The following CBLN2 variants were observed in gnomAD, a reference collection of about 807,000 sequenced individuals.
CBLN2 encodes cerebellin 2 precursor, also known as cerebellin-2.
In CBLN2, 7 loss-of-function variants were observed where a neutral mutation model predicts 15.0. The ratio of observed to expected loss-of-function variants is 0.47; its 90% CI spans 0.27 to 0.88. CBLN2 has a LOEUF of 0.88. Among genes scored for constraint, CBLN2 ranks in the 40% least tolerant of loss-of-function variants. CBLN2 has a pLI of 0.14. For missense variants in CBLN2, 242 were observed against 304.5 expected (o/e 0.79, Z 1.53); for synonymous variants, 149 against 135.2 (o/e 1.10, Z -0.71).
chr18:72,557,887 C>T (rs1254522655), intron 1 of CBLN2, among the ~76,000 whole-genome samples: 2 of 152,116 alleles, frequency 1.3e-5, no homozygotes, highest in Non-Finnish European at 2.9e-5. Context: ...ACCTGCACAT[C>T]CTGCACATGT....
intron 1 of CBLN2, among the ~76,000 whole-genome samples, chr18:72,581,659 T>C (rs910925675): frequency 6.6e-6 from 1 of 152,226 alleles, no homozygotes; most frequent in African/African-American, 2.4e-5. Flanking sequence ...TGATTACATG[T>C]GTTGCGAATA....
intron 1 of CBLN2, among the ~76,000 whole-genome samples, chr18:72,564,272 G>T (rs1208188502): frequency 6.6e-6 from 1 of 152,106 alleles, no homozygotes; most frequent in Non-Finnish European, 1.5e-5. Context: ...TCAGTGAGAT[G>T]CAAGAGAATG....
chr18:72,540,975 A>C (rs1246516533), intron 3 of CBLN2, among the ~76,000 whole-genome samples: 2 of 152,238 alleles, frequency 1.3e-5, no homozygotes, highest in African/African-American at 2.4e-5. Flanking sequence ...GAAAAACAAC[A>C]GAAACCAGGC....
intron 1 of CBLN2, among the ~76,000 whole-genome samples, chr18:72,555,884 G>A (rs1018486050): frequency 6.6e-6 from 1 of 152,106 alleles, no homozygotes; most frequent in African/African-American, 2.4e-5. Context: ...TGCACTGTGG[G>A]GTATCCTGTT....
At chr18:72,573,112 T>A (rs1056861781) in intron 1 of CBLN2, among the ~76,000 whole-genome samples, 2 of 152,134 alleles carry the variant, frequency 1.3e-5, no homozygotes, top group Non-Finnish European at 2.9e-5. Flanking sequence ...AGGAAAGATA[T>A]CAACATTGTA....
chr18:72,583,217 T>C (rs533845972), intron 1 of CBLN2, among the ~76,000 whole-genome samples: 1 of 152,096 alleles, frequency 6.6e-6, no homozygotes, highest in Non-Finnish European at 1.5e-5. Context: ...AAATTTCCAA[T>C]CCTTTTTGTA....
intron 1 of CBLN2, among the ~76,000 whole-genome samples, chr18:72,557,593 C>G (rs1362962409): frequency 3.9e-5 from 6 of 152,156 alleles, no homozygotes; most frequent in African/African-American, 1.2e-4. Flanking sequence ...TATGAGATCA[C>G]GTCCTTTGAA....
At chr18:72,604,040 C>T (rs191140217) in intron 1 of CBLN2, among the ~76,000 whole-genome samples, 3 of 152,330 alleles carry the variant, frequency 2.0e-5, no homozygotes, top group East Asian at 3.9e-4. Flanking sequence ...GCACCGATTA[C>T]ATCGGCATCC....
intron 1 of CBLN2, among the ~76,000 whole-genome samples, chr18:72,553,271 TACA>T (rs1296389958): frequency 1.3e-5 from 2 of 152,086 alleles, no homozygotes; most frequent in African/African-American, 4.8e-5. Context: ...CTTTGGGAAA[TACA>T]ACGACAAGTG....
intron 1 of CBLN2, among the ~76,000 whole-genome samples, chr18:72,584,079 T>C (rs1262761329): frequency 6.6e-6 from 1 of 152,216 alleles, no homozygotes; most frequent in Non-Finnish European, 1.5e-5. Flanking sequence ...CTAGTTTCTG[T>C]TTGTGCGTTC....
chr18:72,542,249 A>G lies in CBLN2; in HGVS notation c.-89T>C, dbSNP rs575324980. 12 of 895,958 alleles carry G rather than the reference A, an allele frequency of 1.3e-5. No homozygotes were observed. In the African/African-American group the frequency reaches 2.1e-4, roughly 16 times the overall value. The allele number at this position is 895,958 out of a possible 1,614,324, so 55.5% of individuals were successfully genotyped here. On this transcript the variant is annotated 5_prime_UTR_variant, in exon 3 of 5. Coordinates refer to ENST00000269503, the MANE Select transcript of CBLN2 (RefSeq NM_182511.4). ...GCGCGAAGGAACGCGCGGAGCTCGC[A>G]GCAGCCTCCGGGGGCCTTCGTCCCC...
intron 3 of CBLN2, chr18:72,539,055 T>G: frequency 2.8e-6 from 1 of 351,608 alleles, no homozygotes; most frequent in South Asian, 4.1e-5. Context: ...ATTTTGTAAG[T>G]TGAGGGGCAG....
intron 1 of CBLN2, among the ~76,000 whole-genome samples, chr18:72,582,220 C>G (rs1218730520): frequency 1.3e-5 from 2 of 152,242 alleles, no homozygotes; most frequent in East Asian, 3.9e-4. Flanking sequence ...CTTTGCATTT[C>G]CATGTCAATT....
chr18:72,568,200 A>G (rs1002341780), intron 1 of CBLN2, among the ~76,000 whole-genome samples: 20 of 152,216 alleles, frequency 1.3e-4, no homozygotes, highest in African/African-American at 4.6e-4. Context: ...TCATCCATGC[A>G]CTGGCTCCAG....
chr18:72,579,732 G>A (rs1275863733), intron 1 of CBLN2, among the ~76,000 whole-genome samples: 4 of 93,970 alleles, frequency 4.3e-5, no homozygotes, highest in Non-Finnish European at 1.0e-4. Flanking sequence ...ACTCCGTCTC[G>A]CAAAAAACAA....
At chr18:72,626,413 A>G (rs949333302) in intron 1 of CBLN2, among the ~76,000 whole-genome samples, 2 of 152,100 alleles carry the variant, frequency 1.3e-5, no homozygotes, top group Non-Finnish European at 2.9e-5. Context: ...CACTCACCTG[A>G]AAAATAGTCA....
intron 1 of CBLN2, among the ~76,000 whole-genome samples, chr18:72,563,499 C>T (rs2069274586): frequency 6.6e-6 from 1 of 151,986 alleles, no homozygotes; most frequent in Admixed American, 6.6e-5. Flanking sequence ...AACATCTTGA[C>T]TTGAGTATCT....
At chr18:72,597,916 C>T (rs2069523657) in intron 1 of CBLN2, among the ~76,000 whole-genome samples, 1 of 152,260 alleles carries the variant, frequency 6.6e-6, no homozygotes, top group African/African-American at 2.4e-5. Context: ...TGCCGCCAGG[C>T]CTGAGTCTCT....
chr18:72,634,333 T>C (rs2069797650), intron 1 of CBLN2, among the ~76,000 whole-genome samples: 1 of 152,134 alleles, frequency 6.6e-6, no homozygotes. Context: ...TTCTTTCTTT[T>C]TCAATCTATT....
Sources: gnomAD v4.1 joint callset for allele counts (sites outside exome capture counted in the v4.1 genomes callset) on GRCh38, gnomAD v4.1.1 for gene constraint, MANE v1.5 for transcripts, NCBI Gene and HGNC (gene_info 2026-07-23, HGNC 2026-07-21) for gene names.